Variants in SPAG16 observed in about 807,000 individuals in gnomAD.
The protein encoded by SPAG16 is sperm-associated antigen 16 protein.
In SPAG16, 86 loss-of-function variants were observed where a neutral mutation model predicts 80.4. That is an observed-to-expected ratio of 1.07 (90% CI 0.90 to 1.28). SPAG16 has a LOEUF of 1.28. SPAG16 is among the 50% of genes most tolerant of loss of function. SPAG16 has a pLI of 0.00. For missense variants in SPAG16, 870 were observed against 765.3 expected (o/e 1.14, Z -1.61); for synonymous variants, 294 against 265.9 (o/e 1.11, Z -1.03).
rs77825319 is a variant in SPAG16 at position 214,001,401 on chromosome 2, A to G, written c.1401-12550A>G. Among the ~76,000 whole-genome samples the G allele has an allele frequency of 8.1e-3, 1,229 of 152,346 alleles. 14 individuals are homozygous for G. The highest frequency in any genetic ancestry group is 0.028 in the African/African-American group (1,144 of 41,578). On this transcript the variant is annotated intron_variant, in intron 12 of 15. Transcript: ENST00000331683. Reference sequence around the variant, plus strand: ...AAGCTAAAAGTGATTTAACTGCAGAACATTAAAAAACAGCACTGTATGATT... The same window carrying G: ...AAGCTAAAAGTGATTTAACTGCAGAGCATTAAAAAACAGCACTGTATGATT...
At chr2:214,353,777 C>G (rs1392010475) in intron 15 of SPAG16, among the ~76,000 whole-genome samples, 3 of 152,070 alleles carry the variant, frequency 2.0e-5, no homozygotes, top group Non-Finnish European at 4.4e-5. Context: ...TCAGTGTAAC[C>G]CGTAATTGCA....
intron 15 of SPAG16, among the ~76,000 whole-genome samples, chr2:214,206,452 G>A (rs2058147570): frequency 6.6e-6 from 1 of 152,170 alleles, no homozygotes; most frequent in African/African-American, 2.4e-5. Flanking sequence ...GCAAATGACA[G>A]GATGTCCTTC....
intron 12 of SPAG16, 89 bp from the exon 13 acceptor site, chr2:214,013,862 C>T (rs1057401422): frequency 3.8e-6 from 5 of 1,305,782 alleles, no homozygotes; most frequent in East Asian, 5.0e-5. Context: ...AAAATTATTT[C>T]ATGCCTCAGT....
intron 9 of SPAG16, among the ~76,000 whole-genome samples, chr2:213,403,071 A>G (rs551002143): frequency 1.3e-5 from 2 of 151,960 alleles, no homozygotes; most frequent in Admixed American, 1.3e-4. Context: ...CTATTTCTCC[A>G]CATCCTCTCC....
At chr2:213,728,433 T>C (rs2066872701) in intron 10 of SPAG16, among the ~76,000 whole-genome samples, 1 of 152,174 alleles carries the variant, frequency 6.6e-6, no homozygotes, top group Non-Finnish European at 1.5e-5. Flanking sequence ...TATGCTGTAC[T>C]TAGCAGCAAA....
chr2:213,788,041 T>C lies in SPAG16; in HGVS notation c.1071-74444T>C, dbSNP rs145034931. On this transcript the variant is annotated intron_variant, in intron 10 of 15. Transcript: ENST00000331683. ...TAGGACAATTGGCACTCTTAGGCACTATTGGATTGAATCATCATTATATTC... is the reference window on the plus strand; with the variant it reads ...TAGGACAATTGGCACTCTTAGGCACCATTGGATTGAATCATCATTATATTC... 1.3e-4 allele frequency among the ~76,000 whole-genome samples: 20 copies of C among 152,136 alleles called. No individual in the cohort carries two copies. The East Asian group carries it at 3.7e-3, about 28-fold the overall frequency.
intron 9 of SPAG16, among the ~76,000 whole-genome samples, chr2:213,378,713 C>G (rs1478802490): frequency 6.6e-6 from 1 of 152,194 alleles, no homozygotes; most frequent in Non-Finnish European, 1.5e-5. Context: ...CTTGTTCTAT[C>G]TATTCTGTAG....
At chr2:213,684,922 TG>T (rs776436807) in intron 10 of SPAG16, among the ~76,000 whole-genome samples, 47 of 152,176 alleles carry the variant, frequency 3.1e-4, no homozygotes, top group Non-Finnish European at 1.0e-4. Flanking sequence ...CAGCTCTACA[TG>T]TGCTATGAAG....
At chr2:213,844,168 T>C (rs2074498727) in intron 10 of SPAG16, among the ~76,000 whole-genome samples, 1 of 152,160 alleles carries the variant, frequency 6.6e-6, no homozygotes, top group South Asian at 2.1e-4. Context: ...GTTTTCTACT[T>C]CACTTGACAT....
chr2:213,663,936 A>G (rs1574703951), intron 10 of SPAG16, among the ~76,000 whole-genome samples: 1 of 152,136 alleles, frequency 6.6e-6, no homozygotes, highest in Non-Finnish European at 1.5e-5. Context: ...ATAAATTAGT[A>G]TAAACTTAGT....
intron 10 of SPAG16, among the ~76,000 whole-genome samples, chr2:213,677,380 A>G (rs1368985128): frequency 4.6e-5 from 7 of 152,122 alleles, no homozygotes; most frequent in Admixed American, 4.6e-4. Flanking sequence ...CCCATCTCAC[A>G]TGCAGAGACA....
intron 15 of SPAG16, among the ~76,000 whole-genome samples, chr2:214,365,051 G>A (rs1576893034): frequency 6.6e-6 from 1 of 152,242 alleles, no homozygotes; most frequent in South Asian, 2.1e-4. Context: ...ACATTGTAAA[G>A]GTACCTTCCA....
intron 15 of SPAG16, among the ~76,000 whole-genome samples, chr2:214,230,685 G>A (rs1397481339): frequency 2.6e-5 from 4 of 151,910 alleles, no homozygotes; most frequent in Non-Finnish European, 4.4e-5. Flanking sequence ...CTCTCCAGAG[G>A]ACACCAACAT....
chr2:213,997,123 A>G (rs60494365), intron 12 of SPAG16, among the ~76,000 whole-genome samples: 1 of 152,214 alleles, frequency 6.6e-6, no homozygotes, highest in African/African-American at 2.4e-5. Flanking sequence ...TAGGAAGTTC[A>G]AGCTAGGTTT....
At chr2:214,143,889 A>G (rs1363440303) in intron 14 of SPAG16, among the ~76,000 whole-genome samples, 1 of 152,136 alleles carries the variant, frequency 6.6e-6, no homozygotes, top group Non-Finnish European at 1.5e-5. Context: ...TGGGCACAGT[A>G]GCTCATGCTT....
intron 15 of SPAG16, among the ~76,000 whole-genome samples, chr2:214,232,587 C>CGG (rs71037352): frequency 9.3e-5 from 14 of 151,170 alleles, no homozygotes; most frequent in African/African-American, 3.4e-4. Context: ...GTGAAGGAGT[C>CGG]GGGGGGGGCT....
intron 12 of SPAG16, among the ~76,000 whole-genome samples, chr2:213,990,698 G>A (rs1473578901): frequency 6.6e-6 from 1 of 152,132 alleles, no homozygotes; most frequent in Non-Finnish European, 1.5e-5. Flanking sequence ...CGAGGAACAG[G>A]AGGAGATGGT....
At chr2:214,278,126 C>T (rs562820608) in intron 15 of SPAG16, among the ~76,000 whole-genome samples, 22 of 152,258 alleles carry the variant, frequency 1.4e-4, no homozygotes, top group Admixed American at 3.9e-4. Flanking sequence ...CCGAGCCAGG[C>T]GCAGGATGTA....
chr2:213,708,377 A>T (rs1436728205), intron 10 of SPAG16, among the ~76,000 whole-genome samples: 1 of 152,222 alleles, frequency 6.6e-6, no homozygotes, highest in Non-Finnish European at 1.5e-5. Flanking sequence ...TGTCAGTGGT[A>T]AAATTTCAGT....
Sources: allele counts gnomAD v4.1 joint callset (sites outside exome capture counted in the v4.1 genomes callset), GRCh38; gene constraint gnomAD v4.1.1; transcripts MANE v1.5; gene names NCBI Gene and HGNC (gene_info 2026-07-23, HGNC 2026-07-21).